Variants in PLXNA2 observed in about 807,000 individuals in gnomAD.
PLXNA2 encodes the protein plexin-A2.
PLXNA2 carries 91 observed loss-of-function variants against 193.5 expected under a neutral mutation model. That is an observed-to-expected ratio of 0.47 (90% CI 0.40 to 0.56). The LOEUF is 0.56. Ranked by LOEUF, PLXNA2 falls within the 20% of genes least tolerant of loss-of-function variation. The pLI is 0.00. For synonymous variants in PLXNA2, 997 were observed against 1,027.3 expected (o/e 0.97, Z 0.56); for missense variants, 1,995 against 2,503.2 (o/e 0.80, Z 4.33).
At chr1:208,171,634 A>G (rs1290921400) in intron 3 of PLXNA2, among the ~76,000 whole-genome samples, 1 of 152,168 alleles carries the variant, frequency 6.6e-6, no homozygotes, top group African/African-American at 2.4e-5. Flanking sequence ...GGATGGCTTG[A>G]GGCCAGGAGT....
intron 3 of PLXNA2, among the ~76,000 whole-genome samples, chr1:208,171,555 C>T (rs1314293740): frequency 6.6e-6 from 1 of 152,174 alleles, no homozygotes; most frequent in Non-Finnish European, 1.5e-5. Flanking sequence ...ATAGGCCTAG[C>T]AAGATGGCTC....
intron 21 of PLXNA2, 34 bp downstream of exon 21, chr1:208,043,027 T>C: frequency 6.2e-7 from 1 of 1,610,706 alleles, no homozygotes; most frequent in Non-Finnish European, 8.5e-7. Context: ...CCTGCATCCC[T>C]GCTGGGTGGC....
At chr1:208,079,567 C>A in intron 11 of PLXNA2, 117 bp from the exon 12 acceptor site, 2 of 714,824 alleles carry the variant, frequency 2.8e-6, no homozygotes, top group Non-Finnish European at 4.6e-6. Flanking sequence ...ATAACACCAC[C>A]AATCATCATT....
rs901067300 is a variant in PLXNA2 at position 208,090,005 on chromosome 1, G to A, written c.2097+2781C>T. On this transcript the variant is annotated intron_variant, in intron 9 of 31. Transcript: ENST00000367033. ...AGAACTTTGGACAGAAAAGAGGGGG[G>A]CCTGGCTGCTGTTTGCTGAAAAGGA... Among the ~76,000 whole-genome samples, 10 of 152,304 alleles carry A rather than the reference G, an allele frequency of 6.6e-5. No individual in the cohort carries two copies. The East Asian group carries it at 1.5e-3, about 24-fold the overall frequency.
intron 1 of PLXNA2, among the ~76,000 whole-genome samples, chr1:208,241,976 G>C (rs1190933616): frequency 6.6e-6 from 1 of 152,190 alleles, no homozygotes; most frequent in Admixed American, 6.5e-5. Flanking sequence ...CCACCAAGGA[G>C]AGATCCCAGG....
intron 3 of PLXNA2, among the ~76,000 whole-genome samples, chr1:208,175,275 G>A (rs1284651863): frequency 6.6e-6 from 1 of 152,180 alleles, no homozygotes; most frequent in African/African-American, 2.4e-5. Flanking sequence ...AGAACAAAGC[G>A]TGAGTCTTCC....
chr1:208,139,078 A>G (rs1266268015), intron 4 of PLXNA2, among the ~76,000 whole-genome samples: 2 of 152,254 alleles, frequency 1.3e-5, no homozygotes, highest in African/African-American at 4.8e-5. Context: ...TTAAAAATTG[A>G]AAAAGAGAAC....
rs1671502115 is a variant in PLXNA2 at position 208,226,085 on chromosome 1, C to A, written c.-80-8083G>T. On this transcript the variant is annotated intron_variant, in intron 1 of 31. Transcript: ENST00000367033. ...AGGCGGGTATCTCTGACTCCTGCTGCCTTCACCTAGCCCAGAAAACAGTAG... is the reference window on the plus strand; with the variant it reads ...AGGCGGGTATCTCTGACTCCTGCTGACTTCACCTAGCCCAGAAAACAGTAG... 3.3e-5 allele frequency among the ~76,000 whole-genome samples: 5 copies of A among 152,274 alleles called. No homozygotes were observed. The South Asian group carries it at 1.0e-3, about 32-fold the overall frequency.
chr1:208,139,889 C>T (rs928379571), intron 4 of PLXNA2, among the ~76,000 whole-genome samples: 2 of 152,188 alleles, frequency 1.3e-5, no homozygotes, highest in African/African-American at 4.8e-5. Context: ...ACCTGGCTAC[C>T]TATTTCTACA....
chr1:208,235,778 C>G (rs2102645387), intron 1 of PLXNA2, among the ~76,000 whole-genome samples: 1 of 152,288 alleles, frequency 6.6e-6, no homozygotes, highest in African/African-American at 2.4e-5. Context: ...GGAGGGGCTT[C>G]CAGCTCCCCA....
intron 4 of PLXNA2, among the ~76,000 whole-genome samples, chr1:208,118,081 A>C (rs1667693748): frequency 1.3e-5 from 2 of 152,212 alleles, no homozygotes; most frequent in Non-Finnish European, 2.9e-5. Context: ...ATCTCCCAGC[A>C]CGTGGGTTGG....
chr1:208,127,702 C>A (rs929384192), intron 4 of PLXNA2, among the ~76,000 whole-genome samples: 1 of 152,168 alleles, frequency 6.6e-6, no homozygotes, highest in African/African-American at 2.4e-5. Flanking sequence ...TGGTAAAGCT[C>A]AAAAAGTTGG....
intron 14 of PLXNA2, among the ~76,000 whole-genome samples, chr1:208,053,501 G>A (rs77520846): frequency 6.6e-6 from 1 of 152,224 alleles, no homozygotes; most frequent in African/African-American, 2.4e-5. Context: ...TAAGAAAAAG[G>A]TGGAGATGCC....
chr1:208,111,811 C>G (rs949565370), intron 4 of PLXNA2, among the ~76,000 whole-genome samples: 3 of 152,154 alleles, frequency 2.0e-5, no homozygotes, highest in Admixed American at 2.0e-4. Context: ...AATACCAACC[C>G]AGCCTCCTGC....
intron 12 of PLXNA2, among the ~76,000 whole-genome samples, chr1:208,070,927 A>G (rs1300649634): frequency 6.6e-6 from 1 of 152,162 alleles, no homozygotes; most frequent in East Asian, 1.9e-4. Flanking sequence ...AAGGAAAAGT[A>G]GCTTTGTTTT....
At chr1:208,171,580 C>T (rs1241891892) in intron 3 of PLXNA2, among the ~76,000 whole-genome samples, 3 of 152,170 alleles carry the variant, frequency 2.0e-5, no homozygotes, top group African/African-American at 7.2e-5. Flanking sequence ...CTCATCCCAA[C>T]ACCTTCATGC....
At chr1:208,073,789 G>T (rs1327175) in intron 12 of PLXNA2, among the ~76,000 whole-genome samples, 1 of 151,908 alleles carries the variant, frequency 6.6e-6, no homozygotes. Flanking sequence ...TAGGGAGACA[G>T]ACACACACAC....
intron 29 of PLXNA2, chr1:208,029,439 G>A (rs1664432657): frequency 9.8e-7 from 1 of 1,016,736 alleles, no homozygotes; most frequent in Non-Finnish European, 1.2e-6. Flanking sequence ...CGTGGCCATT[G>A]TCCGGAAGAA....
intron 3 of PLXNA2, among the ~76,000 whole-genome samples, chr1:208,169,332 G>C (rs1558226679): frequency 6.6e-6 from 1 of 152,236 alleles, no homozygotes; most frequent in Non-Finnish European, 1.5e-5. Context: ...ACAAGACACA[G>C]GGAGAGTTCG....
Sources: allele counts gnomAD v4.1 joint callset (sites outside exome capture counted in the v4.1 genomes callset), GRCh38; gene constraint gnomAD v4.1.1; transcripts MANE v1.5; gene names NCBI Gene and HGNC (gene_info 2026-07-23, HGNC 2026-07-21).